Variants in CECR2 observed in about 807,000 individuals in gnomAD.
CECR2 encodes chromatin remodeling regulator CECR2.
A neutral mutation model predicts 154.5 loss-of-function variants in CECR2; 30 were observed. The observed-to-expected ratio is 0.19, with a 90% CI of 0.15 to 0.26. The LOEUF is 0.26. CECR2 is among the 10% of genes least tolerant of loss of function. CECR2 has a pLI of 1.00. For missense variants in CECR2, 1,743 were observed against 1,829.3 expected, an observed-to-expected ratio of 0.95 and a Z score of 0.86; for synonymous variants, 725 against 683.7, an observed-to-expected ratio of 1.06 and a Z score of -0.94.
chr22:17,541,706 T>C (rs752259926), intron 14 of CECR2, 133 bp from the exon 15 acceptor site: 159 of 1,091,044 alleles, frequency 1.5e-4, no homozygotes, highest in Non-Finnish European at 1.9e-4. Context: ...GTTCACAGTC[T>C]CCCTGTCTCC....
intron 9 of CECR2, among the ~76,000 whole-genome samples, chr22:17,532,372 G>A (rs188734781): frequency 6.6e-6 from 1 of 152,218 alleles, no homozygotes; most frequent in Non-Finnish European, 1.5e-5. Context: ...GGCCTTTCCA[G>A]CTTCTAGTAG....
chr22:17,475,129 G>T (rs190319002), intron 1 of CECR2, among the ~76,000 whole-genome samples: 15 of 152,238 alleles, frequency 9.9e-5, no homozygotes, highest in Admixed American at 2.0e-4. Context: ...GGAGCAGCGT[G>T]GGGGAGCTTG....
In CECR2 at chr22:17,414,184, G is replaced by A. The variant is rs544053779; in HGVS notation, c.126+44275G>A. The stretch of plus-strand genomic sequence containing the variant: ...AGATGGGATTTCACTGTGTTAGCCA[G>A]GATGGTCTCGATCGCCTGACCTCGT... On this transcript the variant is annotated intron_variant, in intron 1 of 18. Transcript: ENST00000262608. 5.1e-3 allele frequency among the ~76,000 whole-genome samples: 779 copies of A among 151,828 alleles called. 2 individuals carry two copies. The highest frequency in any genetic ancestry group is 8.2e-3 in the Non-Finnish European group (555 of 67,946).
At chr22:17,460,247 T>C (rs1314356284) in intron 1 of CECR2, among the ~76,000 whole-genome samples, 1 of 152,198 alleles carries the variant, frequency 6.6e-6, no homozygotes, top group Admixed American at 6.5e-5. Flanking sequence ...TTTTGCTCTG[T>C]CACCCAGAAT....
chr22:17,401,638 C>T (rs758701926), intron 1 of CECR2, among the ~76,000 whole-genome samples: 1 of 152,216 alleles, frequency 6.6e-6, no homozygotes, highest in East Asian at 1.9e-4. Flanking sequence ...CTGTAGCATG[C>T]GTCAGTAGTT....
At chr22:17,516,752 G>A (rs979183523) in intron 8 of CECR2, among the ~76,000 whole-genome samples, 3 of 152,022 alleles carry the variant, frequency 2.0e-5, no homozygotes, top group Non-Finnish European at 2.9e-5. Flanking sequence ...CTGCCACCAC[G>A]CCTGGCTAAT....
chr22:17,542,295 A>C lies in CECR2; in HGVS notation c.2152A>C (p.Ser718Arg), dbSNP rs1352016434. The C allele has an allele frequency of 6.2e-7, 1 of 1,611,818 alleles. No individual in the cohort carries two copies. Among genetic ancestry groups the C allele is most frequent in the Non-Finnish European group, 8.5e-7 (1 of 1,178,992 alleles). The change falls in exon 16 of 19, where the codon AGT becomes CGT. Residue 718 changes from serine (S) to arginine (R), a missense_variant. Ser to Arg is a moderately radical substitution (Grantham distance 110). Transcript: ENST00000262608. ...SLQLGQISGPSQDGSMYAPAQ... is the reference protein window; with the variant it reads ...SLQLGQISGPRQDGSMYAPAQ... ...GCAGCTTGGGCAGATAAGTGGCCCA[A>C]GTCAGGATGGAAGCATGTATGCTCC...
At chr22:17,404,078 T>G (rs61056740) in intron 1 of CECR2, among the ~76,000 whole-genome samples, 79,419 of 151,028 alleles carry the variant, frequency 0.53, 21,182 homozygotes, top group African/African-American at 0.56. Flanking sequence ...GCCAATGTGG[T>G]GAAACCCCGT....
At position 17,497,605 on chromosome 22, in the gene CECR2, C is replaced by A. The variant is rs759680950; in HGVS notation, c.405+19C>A. On this transcript the variant is annotated intron_variant, in intron 3 of 18. Transcript: ENST00000262608. Reference sequence around the variant, plus strand: ...TCTAAAGGTATGCTTAACTGGCGAACCTTTCCCTGTAGCTGTGAAAAGCCA... The same window carrying A: ...TCTAAAGGTATGCTTAACTGGCGAAACTTTCCCTGTAGCTGTGAAAAGCCA... 37 of 1,609,906 alleles carry A rather than the reference C, an allele frequency of 2.3e-5. No individual in the cohort carries two copies. Among genetic ancestry groups the A allele is most frequent in the African/African-American group, 4.0e-5 (3 of 74,864 alleles).
At position 17,548,568 on chromosome 22, in the gene CECR2, C is replaced by T. The variant is rs186816630; in HGVS notation, c.3281C>T (p.Thr1094Met). 22 of 1,613,596 alleles carry T rather than the reference C, an allele frequency of 1.4e-5. No homozygotes were observed. Among genetic ancestry groups the T allele is most frequent in the African/African-American group, 1.2e-4 (9 of 75,022 alleles). ...ACGTTGCAGGAAACCATGCCATGCA[C>T]GGGACAGAACGCAGCGACACCGCCC... ...GRTLQETMPC[T>M]GQNAATPPST... Residue 1094 changes from threonine to methionine, a missense_variant, in exon 17 of 19, where the codon ACG becomes ATG. Physicochemically the swap from Thr to Met is moderately conservative, Grantham distance 81. Around this residue, in one of 4 missense-constraint regions of CECR2, gnomAD observed 1,250 missense variants for 1,192.1 expected, o/e 1.05. Coordinates refer to ENST00000262608, the MANE Select transcript of CECR2 (RefSeq NM_001290047.2).
intron 1 of CECR2, among the ~76,000 whole-genome samples, chr22:17,388,217 G>T (rs1601264890): frequency 6.6e-6 from 1 of 152,134 alleles, no homozygotes; most frequent in Non-Finnish European, 1.5e-5. Context: ...GCCTCCCAAC[G>T]TGCTGGGATT....
In CECR2 at chr22:17,534,633, G is replaced by C. The variant is rs557204992; in HGVS notation, c.1109-2470G>C. On this transcript the variant is annotated intron_variant, in intron 9 of 18. Transcript: ENST00000262608. ...CACCATTCTCTTGCCTCAGCCTCCC[G>C]AGTAGCTGGGACTACAGGCACCTGC... is the stretch of plus-strand genomic sequence containing the variant. The C allele has an allele frequency of 3.3e-5, 5 of 149,458 alleles. No homozygotes were observed. The East Asian group carries it at 1.1e-3, about 32-fold the overall frequency. 9.3% of individuals were successfully genotyped at this position (149,458 alleles called of 1,614,324 possible). A position where few individuals can be genotyped will look rare whatever the true frequency, so the allele number is the denominator to read the frequency against.
intron 1 of CECR2, among the ~76,000 whole-genome samples, chr22:17,423,668 C>T (rs1357877795): frequency 1.3e-5 from 2 of 152,148 alleles, no homozygotes; most frequent in African/African-American, 2.4e-5. Flanking sequence ...GCCCCCTATA[C>T]ACCATGAGTG....
At chr22:17,474,389 G>A (rs1236013629) in intron 1 of CECR2, among the ~76,000 whole-genome samples, 1 of 152,186 alleles carries the variant, frequency 6.6e-6, no homozygotes, top group Non-Finnish European at 1.5e-5. Flanking sequence ...TAAGGGAGAA[G>A]AGTTGGAATA....
intron 1 of CECR2, among the ~76,000 whole-genome samples, chr22:17,371,915 A>G (rs2063066155): frequency 6.6e-6 from 1 of 152,216 alleles, no homozygotes; most frequent in South Asian, 2.1e-4. Flanking sequence ...TATAAGCAAT[A>G]AACTTGTGGT....
At chr22:17,509,583 C>T (rs1228864164) in intron 7 of CECR2, among the ~76,000 whole-genome samples, 2 of 152,106 alleles carry the variant, frequency 1.3e-5, no homozygotes, top group African/African-American at 4.8e-5. Context: ...CACACACCAC[C>T]ACGCCCAGTT....
intron 1 of CECR2, among the ~76,000 whole-genome samples, chr22:17,453,050 C>T (rs1164037965): frequency 1.3e-5 from 2 of 151,984 alleles, no homozygotes; most frequent in South Asian, 2.1e-4. Flanking sequence ...GGAATTTTTC[C>T]CCTCACACCT....
intron 2 of CECR2, among the ~76,000 whole-genome samples, chr22:17,495,818 C>T (rs150009732): frequency 0.13 from 18,848 of 142,126 alleles, 1,449 homozygotes; most frequent in Non-Finnish European, 0.18. Context: ...GCCAAGATCG[C>T]ACCACTGCAC....
chr22:17,525,322 A>G (rs374034770), intron 9 of CECR2, among the ~76,000 whole-genome samples: 107 of 134,166 alleles, frequency 8.0e-4, no homozygotes, highest in African/African-American at 2.1e-3. Flanking sequence ...AAAAGAAAGG[A>G]AGGGAGGGAG....
Sources: gnomAD v4.1 joint callset for allele counts (sites outside exome capture counted in the v4.1 genomes callset) on GRCh38, gnomAD v4.1.1 for gene constraint, gnomAD v4.1.1 regional missense constraint, MANE v1.5 for transcripts, NCBI Gene and HGNC (gene_info 2026-07-23, HGNC 2026-07-21) for gene names.